ADPRHL1: variants seen among roughly 807,000 people sequenced by gnomAD.
ADPRHL1 encodes the protein inactive ADP-ribosyltransferase ARH2.
Under a neutral mutation model 44.1 loss-of-function variants are expected in ADPRHL1, and 43 were observed. The ratio of observed to expected loss-of-function variants is 0.98; its 90% CI spans 0.76 to 1.26. ADPRHL1 has a LOEUF of 1.26. Ranked by LOEUF, ADPRHL1 falls within the 50% of genes most tolerant of loss-of-function variation. The pLI is 0.00. For missense variants in ADPRHL1, 2,022 were observed against 2,496.9 expected, an observed-to-expected ratio of 0.81 and a Z score of 4.05; for synonymous variants, 878 against 1,017.4, an observed-to-expected ratio of 0.86 and a Z score of 2.61.
chr13:113,405,947 C>T lies in ADPRHL1; in HGVS notation c.3335G>A (p.Gly1112Glu), dbSNP rs1322026462. Residue 1112 changes from glycine to glutamate, a missense_variant, in exon 8 of 8, where the codon GGG (glycine) becomes GAG (glutamate). Transcript: ENST00000612156. Reference protein sequence around the residue: ...EPPKPGMKACGAMAAAGSVAS... With the variant: ...EPPKPGMKACEAMAAAGSVAS... The stretch of plus-strand genomic sequence containing the variant: ...AACGCTCCCTGCAGCTGCCATCGCC[C>T]CACAGGCTTTCATACCTGGTTTGGG... 1.6e-6 allele frequency: 2 copies of T among 1,232,074 alleles called. No homozygotes were observed. Among genetic ancestry groups the T allele is most frequent in the African/African-American group, 3.1e-5 (2 of 64,570 alleles). 76.3% of individuals were successfully genotyped at this position (1,232,074 alleles called of 1,614,324 possible).
intron 2 of ADPRHL1, among the ~76,000 whole-genome samples, chr13:113,440,824 G>A (rs1354833559): frequency 6.6e-6 from 1 of 152,130 alleles, no homozygotes; most frequent in Non-Finnish European, 1.5e-5. Flanking sequence ...AGTGCAACAG[G>A]AGATTTTTGG....
In ADPRHL1 at chr13:113,400,195, G is replaced by A. The variant is rs1288650112; in HGVS notation, c.*3183C>T. 6.8e-6 allele frequency: 1 copy of A among 146,454 alleles called. No homozygotes were observed. The highest frequency in any genetic ancestry group is 6.8e-5 in the Admixed American group (1 of 14,664). The allele number at this position is 146,454 out of a possible 1,614,324, so 9.1% of individuals were successfully genotyped here. A position where few individuals can be genotyped will look rare whatever the true frequency, so the allele number is the denominator to read the frequency against. On this transcript the variant is annotated 3_prime_UTR_variant, in exon 8 of 8. Transcript: ENST00000612156. ...GAGTCTCGCTCTGTCACCCAGGCTG[G>A]AGTGCAGTGGCGCAATCTCGGCTCA... is the stretch of plus-strand genomic sequence containing the variant.
chr13:113,425,499 G>A (rs1213804301), intron 4 of ADPRHL1, among the ~76,000 whole-genome samples: 3 of 152,114 alleles, frequency 2.0e-5, no homozygotes, highest in Non-Finnish European at 4.4e-5. Flanking sequence ...TGCCTCCCGA[G>A]TAGCTGGGAT....
intron 7 of ADPRHL1, among the ~76,000 whole-genome samples, chr13:113,421,584 C>T (rs938268858): frequency 3.3e-5 from 5 of 152,250 alleles, no homozygotes; most frequent in African/African-American, 7.2e-5. Context: ...AAGTGGTTGG[C>T]GGGGCTGGCC....
intron 1 of ADPRHL1, among the ~76,000 whole-genome samples, chr13:113,447,257 C>T (rs1269888850): frequency 7.3e-5 from 8 of 109,506 alleles, no homozygotes; most frequent in Admixed American, 1.8e-4. Context: ...TCTACACGCA[C>T]GGTGTTGTGT....
chr13:113,435,225 AG>A (rs2044042891), intron 2 of ADPRHL1, among the ~76,000 whole-genome samples: 3 of 12,268 alleles, frequency 2.4e-4, no homozygotes, highest in African/African-American at 5.8e-4. Flanking sequence ...CCCGGGACCC[AG>A]CACCCAGGTG....
intron 2 of ADPRHL1, among the ~76,000 whole-genome samples, chr13:113,439,549 G>T (rs1267032618): frequency 6.6e-6 from 1 of 151,630 alleles, no homozygotes; most frequent in Admixed American, 6.6e-5. Context: ...CTGGGTTCAA[G>T]CAATTCTCCT....
At chr13:113,416,128 G>C (rs1309559938) in intron 7 of ADPRHL1, among the ~76,000 whole-genome samples, 2 of 151,472 alleles carry the variant, frequency 1.3e-5, no homozygotes, top group African/African-American at 2.4e-5. Context: ...GTAAAGCCGA[G>C]AACAAGTGTT....
At position 113,404,205 on chromosome 13, in the gene ADPRHL1, G is replaced by A; in HGVS notation, c.5077C>T (p.Gln1693Ter). 1 of 987,942 alleles carries A rather than the reference G, an allele frequency of 1.0e-6. No individual in the cohort carries two copies. Among genetic ancestry groups the A allele is most frequent in the Non-Finnish European group, 1.3e-6 (1 of 767,516 alleles). The allele number at this position is 987,942 out of a possible 1,614,324, so 61.2% of individuals were successfully genotyped here. Residue 1693 changes from glutamine to a stop codon, truncating the protein, a stop_gained, in exon 8 of 8, where the codon CAG becomes TAG. Transcript: ENST00000612156. LOFTEE classifies it low-confidence loss of function (END_TRUNC). ...CGAGCCCGTTCCTGAGCCCCTTTCT[G>A]GGCCTGTTCCCGAGCCCGTTCCTGA... ...GAQERAREQA[Q>*]KGAQERAREQ...
At chr13:113,439,646 C>T (rs2044084567) in intron 2 of ADPRHL1, among the ~76,000 whole-genome samples, 1 of 151,734 alleles carries the variant, frequency 6.6e-6, no homozygotes, top group Non-Finnish European at 1.5e-5. Flanking sequence ...CAGGGTTTTG[C>T]CATGTTGGCC....
At chr13:113,420,351 G>C (rs772652049) in intron 7 of ADPRHL1, among the ~76,000 whole-genome samples, 1 of 152,098 alleles carries the variant, frequency 6.6e-6, no homozygotes, top group African/African-American at 2.4e-5. Flanking sequence ...TGATTCTCAC[G>C]GAGGGGTTTG....
chr13:113,428,811 G>A (rs1261183881), intron 4 of ADPRHL1, 141 bp downstream of exon 4: 22 of 1,343,810 alleles, frequency 1.6e-5, no homozygotes, highest in Non-Finnish European at 2.2e-5. Context: ...TGCGAGGCCA[G>A]CTCTGCTCAC....
chr13:113,436,364 C>A (rs1595551832), intron 2 of ADPRHL1, among the ~76,000 whole-genome samples: 1 of 112,988 alleles, frequency 8.9e-6, no homozygotes. Context: ...GACCCAGCAC[C>A]CAGGTGTAGG....
chr13:113,433,963 T>G, intron 2 of ADPRHL1, 96 bp from the exon 3 acceptor site: 1 of 1,427,346 alleles, frequency 7.0e-7, no homozygotes. Flanking sequence ...GTAGAAAAAT[T>G]TGTGTAATAA....
chr13:113,433,583 G>A (rs977540819), intron 3 of ADPRHL1, among the ~76,000 whole-genome samples, 159 bp downstream of exon 3: 3 of 152,182 alleles, frequency 2.0e-5, no homozygotes, highest in Non-Finnish European at 4.4e-5. Flanking sequence ...GCAGGCAGCC[G>A]GCAGGTGCAG....
At chr13:113,429,397 C>T (rs1294655218) in intron 3 of ADPRHL1, among the ~76,000 whole-genome samples, 3 of 152,264 alleles carry the variant, frequency 2.0e-5, no homozygotes, top group African/African-American at 4.8e-5. Context: ...CTCTGGGTGC[C>T]TGCTCCTCGT....
At chr13:113,414,386 C>T (rs929555103) in intron 7 of ADPRHL1, among the ~76,000 whole-genome samples, 20 of 151,944 alleles carry the variant, frequency 1.3e-4, no homozygotes, top group Non-Finnish European at 4.4e-5. Flanking sequence ...GAGCCGCCCC[C>T]CCTTCCTCCC....
At position 113,433,831 on chromosome 13, in the gene ADPRHL1, A is replaced by T. The variant is rs1372124888; in HGVS notation, c.416T>A (p.Ile139Asn). 2.5e-6 allele frequency: 4 copies of T among 1,574,492 alleles called. No homozygotes were observed. In the Admixed American group the frequency reaches 7.3e-5, roughly 29 times the overall value. Reference protein sequence around the residue: ...GFGAATKAMCIGLRYWKPERL... With the variant: ...GFGAATKAMCNGLRYWKPERL... ...CTCAGGCTTCCAGTACCGCAGGCCG[A>T]TGCACATGGCCTTGGTGGCCGCTCC... Residue 139 changes from isoleucine (I) to asparagine (N), a missense_variant, in exon 3 of 8, where the codon ATC (isoleucine) becomes AAC (asparagine). Physicochemically the swap from Ile to Asn is moderately radical, Grantham distance 149 (BLOSUM62 -3). This residue lies in a region of ADPRHL1 where 437 missense variants were observed against 430.7 expected (regional missense o/e 1.01). Coordinates refer to ENST00000612156, the MANE Select transcript of ADPRHL1 (RefSeq NM_001394807.1).
Position 113,444,859 on chromosome 13 carries a change from G to A in ADPRHL1, c.215-270C>T, listed in dbSNP as rs1286057350. Among the ~76,000 whole-genome samples, 26 of 152,256 alleles carry A rather than the reference G, an allele frequency of 1.7e-4. 1 individual carries two copies. Among genetic ancestry groups the A allele is most frequent in the African/African-American group, 5.8e-4 (24 of 41,526 alleles). ...AGGATGGTCTCGATCTCCTGACCTT[G>A]TGATCTGCCCACCTCAGCCTCCCAA... On this transcript the variant is annotated intron_variant, in intron 1 of 7. Coordinates refer to ENST00000612156, the MANE Select transcript of ADPRHL1 (RefSeq NM_001394807.1).
Sources: allele counts gnomAD v4.1 joint callset (sites outside exome capture counted in the v4.1 genomes callset), GRCh38; gene constraint gnomAD v4.1.1; regional missense constraint gnomAD v4.1.1; transcripts MANE v1.5; gene names NCBI Gene and HGNC (gene_info 2026-07-23, HGNC 2026-07-21).